RASAL1: variants seen among roughly 807,000 people sequenced by gnomAD.
RASAL1 encodes rasGAP-activating-like protein 1.
In RASAL1, 72 loss-of-function variants were observed where a neutral mutation model predicts 96.6. That is an observed-to-expected ratio of 0.75 (90% CI 0.62 to 0.91). The LOEUF (loss-of-function observed/expected upper bound fraction) is 0.91. Among genes scored for constraint, RASAL1 ranks in the 40% least tolerant of loss-of-function variants. RASAL1 has a pLI of 0.00. For missense variants in RASAL1, 1,016 were observed against 1,072.5 expected, an observed-to-expected ratio of 0.95 and a Z score of 0.74; for synonymous variants, 405 against 430.4, an observed-to-expected ratio of 0.94 and a Z score of 0.73.
At chr12:113,125,111 A>T in intron 4 of RASAL1, among the ~76,000 whole-genome samples, 1 of 152,230 alleles carries the variant, frequency 6.6e-6, no homozygotes, top group African/African-American at 2.4e-5. Flanking sequence ...AAAAAAAAAA[A>T]AATACATATA....
intron 13 of RASAL1, among the ~76,000 whole-genome samples, chr12:113,111,746 A>C (rs1489839223): frequency 1.3e-5 from 2 of 152,054 alleles, no homozygotes; most frequent in Non-Finnish European, 2.9e-5. Context: ...GGTGTGAGCC[A>C]CCATGCCCAG....
At chr12:113,133,621 C>A (rs1951798241) in intron 1 of RASAL1, among the ~76,000 whole-genome samples, 1 of 152,156 alleles carries the variant, frequency 6.6e-6, no homozygotes, top group Non-Finnish European at 1.5e-5. Flanking sequence ...GAATCTGGGC[C>A]CTTTCCCTTA....
intron 4 of RASAL1, among the ~76,000 whole-genome samples, chr12:113,122,506 G>A (rs187261824): frequency 7.4e-4 from 113 of 152,142 alleles, no homozygotes; most frequent in African/African-American, 2.7e-3. Flanking sequence ...TGTGTTTTTT[G>A]TAGAGACGAG....
chr12:113,135,107 C>G lies in RASAL1; in HGVS notation c.65+291G>C, dbSNP rs981876524. Among the ~76,000 whole-genome samples, 13 of 151,848 alleles carry G rather than the reference C, an allele frequency of 8.6e-5. No individual in the cohort carries two copies. The highest frequency in any genetic ancestry group is 3.1e-4 in the African/African-American group (13 of 41,312). ...ATCTGACAGAATATGGCCCTCTAATCCCCTCTTCAGCTCTGGACGACCCCC... is the reference window on the plus strand; with the variant it reads ...ATCTGACAGAATATGGCCCTCTAATGCCCTCTTCAGCTCTGGACGACCCCC... On this transcript the variant is annotated intron_variant, in intron 1 of 20. Coordinates refer to ENST00000548055, the MANE Select transcript of RASAL1 (RefSeq NM_001301202.2). This position sits in a 1 kb window ranked among gnomAD's most constrained non-coding sequence, Gnocchi z 5.7.
intron 12 of RASAL1, among the ~76,000 whole-genome samples, chr12:113,113,202 T>A (rs546989131): frequency 6.6e-6 from 1 of 152,110 alleles, no homozygotes; most frequent in Non-Finnish European, 1.5e-5. Flanking sequence ...CAGCTGGGGG[T>A]TCTCAGCCCC....
At chr12:113,111,112 C>T (rs377520341) in intron 13 of RASAL1, among the ~76,000 whole-genome samples, 11 of 152,098 alleles carry the variant, frequency 7.2e-5, no homozygotes, top group East Asian at 3.9e-4. Flanking sequence ...TTTGTTCTTG[C>T]GCCTCGTCTG....
intron 1 of RASAL1, among the ~76,000 whole-genome samples, chr12:113,134,395 G>C (rs1221850825): frequency 2.0e-5 from 3 of 152,112 alleles, no homozygotes; most frequent in African/African-American, 7.2e-5. Context: ...ACAGGTGAAG[G>C]CTCCCAATCC....
In RASAL1 at chr12:113,119,170, G is replaced by A; in HGVS notation, c.600C>T (p.Leu200=). The A allele has an allele frequency of 1.2e-6, 2 of 1,613,840 alleles. No individual in the cohort carries two copies. Among genetic ancestry groups the A allele is most frequent in the Non-Finnish European group, 1.7e-6 (2 of 1,179,812 alleles). Residue 200 remains leucine (L), a synonymous_variant, in exon 7 of 21, where the codon CTC becomes CTT. Transcript: ENST00000548055. ...TCTTGCCCACCATGTCCCAGTCCCA[G>A]AGCTCCACCCGCAGTGGGGACGGGG... ...PGAPSPLRVE[L]WDWDMVGKND...
chr12:113,118,235 T>TA (rs1006211455), intron 7 of RASAL1, among the ~76,000 whole-genome samples: 4 of 151,680 alleles, frequency 2.6e-5, no homozygotes, highest in South Asian at 2.1e-4. Flanking sequence ...AAAATAAAAA[T>TA]AAAAAAAATA....
rs1457553384 is a variant in RASAL1 at position 113,130,848 on chromosome 12, C to T, written c.122+37G>A. 3.8e-6 allele frequency: 6 copies of T among 1,574,956 alleles called. No individual in the cohort carries two copies. Among genetic ancestry groups the T allele is most frequent in the Non-Finnish European group, 5.2e-6 (6 of 1,148,492 alleles). ...ATTCCCCAGGTCTAGAAAGAGACCC[C>T]TCCCTTCCTCCTCTCCCCCGTGTCG... On this transcript the variant is annotated intron_variant, in intron 2 of 20. Transcript: ENST00000548055. The surrounding 1 kb of genome is among the most constrained non-coding windows in gnomAD (Gnocchi z 5.1).
chr12:113,114,396 C>G (rs1484741189), intron 12 of RASAL1, among the ~76,000 whole-genome samples: 2 of 151,254 alleles, frequency 1.3e-5, no homozygotes, highest in Non-Finnish European at 2.9e-5. Flanking sequence ...ATTACCTGAG[C>G]CCGGGAAGTT....
rs1357832331 is a variant in RASAL1, at chr12:113,115,947, T to G, written c.836A>C (p.Gln279Pro). Reference sequence around the variant, plus strand: ...TGACGCACCCACCTCTGCTGGCCCCTGCACAGACTCCATGAGCAGCTCCAT... The same window carrying G: ...TGACGCACCCACCTCTGCTGGCCCCGGCACAGACTCCATGAGCAGCTCCAT... ...PLMELLMESV[Q>P]GPAEEDTASP... The change falls in exon 9 of 21, where the codon CAG becomes CCG. Residue 279 changes from glutamine (Q) to proline (P), a missense_variant. By Grantham distance (76) the Gln-to-Pro change is moderately conservative. Coordinates refer to ENST00000548055, the MANE Select transcript of RASAL1 (RefSeq NM_001301202.2). The surrounding 1 kb of genome is among the most constrained non-coding windows in gnomAD (Gnocchi z 4.1). The G allele has an allele frequency of 1.9e-6, 3 of 1,603,116 alleles. No individual in the cohort carries two copies. Among genetic ancestry groups the G allele is most frequent in the Non-Finnish European group, 1.7e-6 (2 of 1,174,134 alleles).
At chr12:113,110,724 C>G (rs765316978) in intron 13 of RASAL1, among the ~76,000 whole-genome samples, 4 of 152,002 alleles carry the variant, frequency 2.6e-5, no homozygotes, top group Non-Finnish European at 4.4e-5. Context: ...GTTCGAGACC[C>G]TCTGGGCAAC....
chr12:113,108,231 A>G lies in RASAL1; in HGVS notation c.1375-9T>C, dbSNP rs201775307. ...GCCAGGTACTTCACATCCTGCTGGG[A>G]GGAGCAGAAGGTAAGAGGAGCCCCC... On this transcript the variant is annotated splice_polypyrimidine_tract_variant and intron_variant, in intron 13 of 20. Transcript: ENST00000548055. 2 of 1,608,092 alleles carry G rather than the reference A, an allele frequency of 1.2e-6. No individual in the cohort carries two copies. Among genetic ancestry groups the G allele is most frequent in the Non-Finnish European group, 1.7e-6 (2 of 1,177,614 alleles).
Position 113,135,320 on chromosome 12 carries a change from G to T in RASAL1, c.65+78C>A. The T allele has an allele frequency of 2.2e-6, 3 of 1,387,412 alleles. No homozygotes were observed. The highest frequency in any genetic ancestry group is 3.0e-6 in the Non-Finnish European group (3 of 1,002,208). The allele number at this position is 1,387,412 out of a possible 1,614,324, so 85.9% of individuals were successfully genotyped here. On this transcript the variant is annotated intron_variant, in intron 1 of 20. Transcript: ENST00000548055. The surrounding 1 kb of genome is among the most constrained non-coding windows in gnomAD (Gnocchi z 5.7). Reference sequence around the variant, plus strand: ...CCTCGCCCTCCTGCCAACCCGCCCTGGCACGCGGAAAGGGCGACGTCGGCC... The same window carrying T: ...CCTCGCCCTCCTGCCAACCCGCCCTTGCACGCGGAAAGGGCGACGTCGGCC...
In RASAL1 at chr12:113,103,987, CGGAAGGCACCGGG is replaced by C; in HGVS notation, c.2050_2062del (p.Pro684AlafsTer56). The stretch of plus-strand genomic sequence containing the variant: ...GAGGCAGCAGGTCCAGCGCGCGCTG[CGGAAGGCACCGGG>C]GTGGCAGGCGGCCAGCTTGTTCGGG... On this transcript the variant is annotated frameshift_variant, in exon 18 of 21. Coordinates refer to ENST00000548055, the MANE Select transcript of RASAL1 (RefSeq NM_001301202.2). LOFTEE classifies it high-confidence loss of function. 7 of 1,568,598 alleles carry C rather than the reference CGGAAGGCACCGGG, an allele frequency of 4.5e-6. No homozygotes were observed. The highest frequency in any genetic ancestry group is 6.1e-6 in the Non-Finnish European group (7 of 1,156,226).
rs576452563 is a variant in RASAL1 at position 113,101,611 on chromosome 12, C to T, written c.2225+278G>A. 6.6e-5 allele frequency among the ~76,000 whole-genome samples: 10 copies of T among 152,188 alleles called. No homozygotes were observed. The South Asian group carries it at 1.5e-3, about 22-fold the overall frequency. On this transcript the variant is annotated intron_variant, in intron 19 of 20. Transcript: ENST00000548055. ...GATCTATCCAAGGTCATTTAGCAAG[C>T]GCAGGGGGCCAGGATTTTATGTGAA...
chr12:113,101,417 G>GTAAA (rs1025772793), intron 19 of RASAL1, among the ~76,000 whole-genome samples: 16 of 152,014 alleles, frequency 1.1e-4, no homozygotes, highest in Admixed American at 6.6e-4. Context: ...CTCTGTCTAA[G>GTAAA]TAAATAAATA....
rs1592883978 is a variant in RASAL1 at position 113,104,048 on chromosome 12, A to G, written c.2002T>C (p.Leu668=). ...VNELNQWLSA[L]RKASAPNPNK... ...GGGTTGGGGGCGCTGGCCTTGCGCA[A>G]GGCCGAGAGCCACTGGTTGAGCTCA... is the stretch of plus-strand genomic sequence containing the variant. The change falls in exon 18 of 21, where the codon TTG becomes CTG. Residue 668 remains leucine (L), a synonymous_variant. Coordinates refer to ENST00000548055, the MANE Select transcript of RASAL1 (RefSeq NM_001301202.2). The G allele has an allele frequency of 2.0e-6, 3 of 1,498,948 alleles. No homozygotes were observed. In the South Asian group the frequency reaches 3.6e-5, roughly 18 times the overall value. 92.9% of individuals were successfully genotyped at this position (1,498,948 alleles called of 1,614,324 possible).
Sources: gnomAD v4.1 joint callset for allele counts (sites outside exome capture counted in the v4.1 genomes callset) on GRCh38, gnomAD v4.1.1 for gene constraint, Gnocchi (gnomAD v3.1) non-coding constraint, MANE v1.5 for transcripts, NCBI Gene and HGNC (gene_info 2026-07-23, HGNC 2026-07-21) for gene names.